The following TOMM20 variants were observed in gnomAD, a reference collection of about 807,000 sequenced individuals.
TOMM20 encodes the protein mitochondrial import receptor subunit TOM20 homolog.
In TOMM20, 10 loss-of-function variants were observed where a neutral mutation model predicts 22.1. The observed-to-expected ratio is 0.45, with a 90% CI of 0.28 to 0.77. The LOEUF (loss-of-function observed/expected upper bound fraction) is 0.77, where lower values mean the gene tolerates loss of function less well. Ranked by LOEUF, TOMM20 falls within the 30% of genes least tolerant of loss-of-function variation. The probability of loss-of-function intolerance (pLI) is 0.13; values close to 1 mark genes in which losing one functional copy is unlikely to be tolerated. For missense variants in TOMM20, 121 were observed against 172.2 expected (o/e 0.70, Z 1.66); for synonymous variants, 55 against 61.4 (o/e 0.90, Z 0.49).
chr1:235,115,289 T>C (rs914326671), intron 3 of TOMM20, among the ~76,000 whole-genome samples: 3 of 152,218 alleles, frequency 2.0e-5, no homozygotes, highest in Non-Finnish European at 4.4e-5. Context: ...CCCATTAAAA[T>C]ATTTTAATGT....
At chr1:235,122,433 T>C in intron 1 of TOMM20, 61 bp from the exon 2 acceptor site, 1 of 1,473,020 alleles carries the variant, frequency 6.8e-7, no homozygotes, top group Non-Finnish European at 9.3e-7. Flanking sequence ...ATCAAAAGAA[T>C]TCTAACTGCT....
At chr1:235,115,328 AT>A (rs1247445252) in intron 3 of TOMM20, among the ~76,000 whole-genome samples, 1 of 152,150 alleles carries the variant, frequency 6.6e-6, no homozygotes, top group Non-Finnish European at 1.5e-5. Context: ...TCCATTAGAT[AT>A]ACTTTTAAAA....
rs976319335 is a variant in TOMM20, at chr1:235,111,204, A to G, written c.*860T>C. The stretch of plus-strand genomic sequence containing the variant: ...GGCAAGCATGCAAAATTCAGAATAT[A>G]AAAAAATGCAGGGCCTGGTTGCCCA... On this transcript the variant is annotated 3_prime_UTR_variant, in exon 5 of 5. Transcript: ENST00000366607. The G allele has an allele frequency of 2.0e-5, 3 of 152,188 alleles. No individual in the cohort carries two copies. Among genetic ancestry groups the G allele is most frequent in the African/African-American group, 7.2e-5 (3 of 41,448 alleles). The allele number at this position is 152,188 out of a possible 1,614,324, so 9.4% of individuals were successfully genotyped here.
At chr1:235,125,364 G>A (rs1464027716) in intron 1 of TOMM20, among the ~76,000 whole-genome samples, 2 of 152,076 alleles carry the variant, frequency 1.3e-5, no homozygotes, top group South Asian at 2.1e-4. Flanking sequence ...ACAGGCACCC[G>A]CCACCATGCC....
Position 235,128,814 on chromosome 1 carries a change from G to GATA in TOMM20, c.-100_-99insTAT. On this transcript the variant is annotated 5_prime_UTR_variant, in exon 1 of 5. Transcript: ENST00000366607. Reference sequence around the variant, plus strand: ...CGGTCGGCGCAGCTCACACCCGACGGCCGCGGGCCAGGAACACAGAAAGGC... The same window carrying GATA: ...CGGTCGGCGCAGCTCACACCCGACGGATACCGCGGGCCAGGAACACAGAAAGGC... 1 of 1,558,242 alleles carries GATA rather than the reference G, an allele frequency of 6.4e-7. No homozygotes were observed. Among genetic ancestry groups the GATA allele is most frequent in the Admixed American group, 1.9e-5 (1 of 53,670 alleles).
rs1660704690 is a variant in TOMM20 at position 235,109,759 on chromosome 1, C to G, written c.*2305G>C. On this transcript the variant is annotated 3_prime_UTR_variant, in exon 5 of 5. Coordinates refer to ENST00000366607, the MANE Select transcript of TOMM20 (RefSeq NM_014765.3). ...AAAACTATATCTTTGCCCAAAGAAG[C>G]ACATCAACTGTTGCACTAATACATT... 6.6e-6 allele frequency: 1 copy of G among 152,214 alleles called. No individual in the cohort carries two copies. The highest frequency in any genetic ancestry group is 1.5e-5 in the Non-Finnish European group (1 of 68,020). 9.4% of individuals were successfully genotyped at this position (152,214 alleles called of 1,614,324 possible).
rs1660716248 is a variant in TOMM20 at position 235,110,127 on chromosome 1, C to T, written c.*1937G>A. 6.6e-6 allele frequency: 1 copy of T among 152,134 alleles called. No homozygotes were observed. The highest frequency in any genetic ancestry group is 1.5e-5 in the Non-Finnish European group (1 of 68,020). 9.4% of individuals were successfully genotyped at this position (152,134 alleles called of 1,614,324 possible). A position where few individuals can be genotyped will look rare whatever the true frequency, so the allele number is the denominator to read the frequency against. On this transcript the variant is annotated 3_prime_UTR_variant, in exon 5 of 5. Coordinates refer to ENST00000366607, the MANE Select transcript of TOMM20 (RefSeq NM_014765.3). ...GAACTGTAAAATGAAGATACCAACG[C>T]CTTTTCAAGCATTACAGCAAAGCCA...
intron 3 of TOMM20, among the ~76,000 whole-genome samples, chr1:235,118,717 G>A (rs1001368501): frequency 6.6e-6 from 1 of 152,068 alleles, no homozygotes; most frequent in African/African-American, 2.4e-5. Context: ...AGAGATGAGG[G>A]TCTCACTTTG....
chr1:235,114,393 G>T (rs1357785041), intron 3 of TOMM20, among the ~76,000 whole-genome samples: 1 of 151,578 alleles, frequency 6.6e-6, no homozygotes, highest in African/African-American at 2.4e-5. Context: ...AATATGACAG[G>T]AGAAATAAAG....
chr1:235,124,685 G>A (rs149371488), intron 1 of TOMM20, among the ~76,000 whole-genome samples: 2 of 152,228 alleles, frequency 1.3e-5, no homozygotes, highest in East Asian at 3.9e-4. Context: ...TTTTTAATAA[G>A]GTGGGGAGGA....
chr1:235,125,928 T>G (rs1236168895), intron 1 of TOMM20, among the ~76,000 whole-genome samples: 1 of 151,432 alleles, frequency 6.6e-6, no homozygotes, highest in Non-Finnish European at 1.5e-5. Flanking sequence ...TTTTTTTTTT[T>G]TGTATTTTTA....
rs1660705777 is a variant in TOMM20 at position 235,109,826 on chromosome 1, G to A, written c.*2238C>T. On this transcript the variant is annotated 3_prime_UTR_variant, in exon 5 of 5. Transcript: ENST00000366607. Reference sequence around the variant, plus strand: ...GTTTTTTAGTAAGTGTGCAACATTAGCACATGGAAACGCTCAAGCTGTGTA... The same window carrying A: ...GTTTTTTAGTAAGTGTGCAACATTAACACATGGAAACGCTCAAGCTGTGTA... The A allele has an allele frequency of 6.6e-6, 1 of 152,172 alleles. No individual in the cohort carries two copies. The highest frequency in any genetic ancestry group is 2.4e-5 in the African/African-American group (1 of 41,438). The allele number at this position is 152,172 out of a possible 1,614,324, so 9.4% of individuals were successfully genotyped here.
rs560026321 is a variant in TOMM20 at position 235,110,806 on chromosome 1, A to G, written c.*1258T>C. 1.3e-5 allele frequency: 2 copies of G among 152,324 alleles called. No homozygotes were observed. Among genetic ancestry groups the G allele is most frequent in the South Asian group, 4.1e-4 (2 of 4,826 alleles). 9.4% of individuals were successfully genotyped at this position (152,324 alleles called of 1,614,324 possible). A position where few individuals can be genotyped will look rare whatever the true frequency, so the allele number is the denominator to read the frequency against. On this transcript the variant is annotated 3_prime_UTR_variant, in exon 5 of 5. Transcript: ENST00000366607. The stretch of plus-strand genomic sequence containing the variant: ...TAGACAGAACAAAGGCAATCTTTAC[A>G]ATGAGAAATGCTCCTCAGTTCAACA...
intron 3 of TOMM20, among the ~76,000 whole-genome samples, 189 bp downstream of exon 3, chr1:235,119,629 A>C (rs972643683): frequency 6.6e-6 from 1 of 152,230 alleles, no homozygotes; most frequent in Non-Finnish European, 1.5e-5. Flanking sequence ...TCCCACAAGG[A>C]ATATTTCTTT....
intron 1 of TOMM20, chr1:235,127,746 A>G: frequency 2.5e-6 from 1 of 404,084 alleles, no homozygotes; most frequent in Non-Finnish European, 5.0e-6. Context: ...CCGAAAATTC[A>G]AGGTGGATCA....
At chr1:235,127,825 G>A (rs778590936) in intron 1 of TOMM20, 3 of 518,836 alleles carry the variant, frequency 5.8e-6, no homozygotes, top group Non-Finnish European at 1.2e-5. Flanking sequence ...TATGAAATAA[G>A]ACTGAGCCAC....
chr1:235,112,961 T>C (rs1660763378), intron 4 of TOMM20, among the ~76,000 whole-genome samples: 1 of 152,252 alleles, frequency 6.6e-6, no homozygotes, highest in Admixed American at 6.5e-5. Flanking sequence ...CGTTGGGATC[T>C]TTACTTTCTT....
At position 235,112,115 on chromosome 1, in the gene TOMM20, G is replaced by GAA; in HGVS notation, c.394-9_394-8dup. ...TCTGAGCACTTACAATTCTCTGAAA[G>GAA]AAAAAAAAAATAATTTTTTAAAGTG... On this transcript the variant is annotated splice_region_variant and splice_polypyrimidine_tract_variant and intron_variant, in intron 4 of 4. Coordinates refer to ENST00000366607, the MANE Select transcript of TOMM20 (RefSeq NM_014765.3). 3.4e-6 allele frequency: 5 copies of GAA among 1,484,532 alleles called. No individual in the cohort carries two copies. The highest frequency in any genetic ancestry group is 2.0e-5 in the Admixed American group (1 of 50,816). 92.0% of individuals were successfully genotyped at this position (1,484,532 alleles called of 1,614,324 possible).
In TOMM20 at chr1:235,128,751, G is replaced by A. The variant is rs752582197; in HGVS notation, c.-36C>T. 6.2e-7 allele frequency: 1 copy of A among 1,612,690 alleles called. No homozygotes were observed. Among genetic ancestry groups the A allele is most frequent in the Non-Finnish European group, 8.5e-7 (1 of 1,179,494 alleles). On this transcript the variant is annotated 5_prime_UTR_variant, in exon 1 of 5. Coordinates refer to ENST00000366607, the MANE Select transcript of TOMM20 (RefSeq NM_014765.3). ...ACGCTGAGCGTGGACGGTGGCGGCA[G>A]GGACCGCGAAGGAGCGGTGGGCCAC...
Sources: gnomAD v4.1 joint callset for allele counts (sites outside exome capture counted in the v4.1 genomes callset) on GRCh38, gnomAD v4.1.1 for gene constraint, MANE v1.5 for transcripts, NCBI Gene and HGNC (gene_info 2026-07-23, HGNC 2026-07-21) for gene names.